Variants in DTNB observed in about 807,000 individuals in gnomAD.
The protein encoded by DTNB is DTN-B.
Under a neutral mutation model 90.7 loss-of-function variants are expected in DTNB, and 63 were observed. That is an observed-to-expected ratio of 0.69 (90% CI 0.57 to 0.86). The LOEUF (loss-of-function observed/expected upper bound fraction) is 0.86. Among genes scored for constraint, DTNB ranks in the 40% least tolerant of loss-of-function variants. The probability of loss-of-function intolerance (pLI) is 0.00; values close to 1 mark genes in which losing one functional copy is unlikely to be tolerated. For synonymous variants in DTNB, 277 were observed against 286.7 expected (o/e 0.97, Z 0.34); for missense variants, 744 against 807.1 (o/e 0.92, Z 0.95).
chr2:25,384,035 C>T (rs2038714633), intron 18 of DTNB, 146 bp from the exon 19 acceptor site: 1 of 1,530,474 alleles, frequency 6.5e-7, no homozygotes, highest in Non-Finnish European at 8.7e-7. Context: ...TTCAGCTCAC[C>T]AGTCTGCACT....
At chr2:25,646,612 C>T (rs944392882) in intron 2 of DTNB, among the ~76,000 whole-genome samples, 13 of 152,180 alleles carry the variant, frequency 8.5e-5, no homozygotes, top group Non-Finnish European at 1.9e-4. Flanking sequence ...GATCCCAGGT[C>T]TTTGGATAAA....
chr2:25,496,235 G>T (rs925581572), intron 9 of DTNB, among the ~76,000 whole-genome samples: 6 of 152,278 alleles, frequency 3.9e-5, no homozygotes, highest in South Asian at 4.2e-4. Context: ...CAAATCAACA[G>T]AAATGTATTT....
intron 4 of DTNB, among the ~76,000 whole-genome samples, chr2:25,627,849 G>C (rs2074622356): frequency 6.6e-6 from 1 of 150,628 alleles, no homozygotes; most frequent in Non-Finnish European, 1.5e-5. Context: ...CAATTCTCCT[G>C]CCTCAGCCTC....
chr2:25,560,722 T>A (rs1465273571), intron 8 of DTNB, among the ~76,000 whole-genome samples: 3 of 152,212 alleles, frequency 2.0e-5, no homozygotes, highest in Non-Finnish European at 4.4e-5. Context: ...CTCACAGACA[T>A]GCGCGTGCCC....
chr2:25,383,653 T>C (rs1461212076), intron 19 of DTNB, 183 bp downstream of exon 19: 25 of 1,326,958 alleles, frequency 1.9e-5, no homozygotes, highest in Non-Finnish European at 2.5e-5. Context: ...GGTGATCGAC[T>C]GACCTTGTCA....
At chr2:25,608,098 T>C (rs988730578) in intron 4 of DTNB, among the ~76,000 whole-genome samples, 2 of 152,214 alleles carry the variant, frequency 1.3e-5, no homozygotes, top group Admixed American at 1.3e-4. Context: ...ACTTCACTAG[T>C]TGGTTGTTAA....
chr2:25,434,249 C>T (rs1052406335), intron 12 of DTNB, among the ~76,000 whole-genome samples: 11 of 152,098 alleles, frequency 7.2e-5, no homozygotes, highest in African/African-American at 2.7e-4. Flanking sequence ...AGTCGCCACT[C>T]CCACCCCCAA....
At chr2:25,664,135 T>A (rs2083844007) in intron 1 of DTNB, among the ~76,000 whole-genome samples, 1 of 152,240 alleles carries the variant, frequency 6.6e-6, no homozygotes, top group Non-Finnish European at 1.5e-5. Flanking sequence ...AAGTCCATAT[T>A]TTAAATAGTA....
rs183624227 is a variant in DTNB, at chr2:25,545,126, T to C, written c.877-13529A>G. 4.3e-4 allele frequency among the ~76,000 whole-genome samples: 65 copies of C among 152,338 alleles called. No homozygotes were observed. The East Asian group carries it at 0.011, about 27-fold the overall frequency. ...ATCACATCTAATTCCCATACCCTAATTTTCACTTGAACAGTCTCTAACTTT... is the reference window on the plus strand; with the variant it reads ...ATCACATCTAATTCCCATACCCTAACTTTCACTTGAACAGTCTCTAACTTT... On this transcript the variant is annotated intron_variant, in intron 8 of 20. Transcript: ENST00000406818.
chr2:25,456,727 C>A (rs7563976), intron 10 of DTNB, among the ~76,000 whole-genome samples: 110,578 of 151,750 alleles, frequency 0.73, 40,517 homozygotes, highest in East Asian at 0.8. Context: ...CGTGCACCAC[C>A]AGCTAATTTT....
At chr2:25,533,313 T>G (rs1049278115) in intron 8 of DTNB, among the ~76,000 whole-genome samples, 4 of 80,706 alleles carry the variant, frequency 5.0e-5, no homozygotes, top group African/African-American at 2.5e-4. Flanking sequence ...GGCGACAGAG[T>G]GAGACCCCAT....
intron 6 of DTNB, among the ~76,000 whole-genome samples, chr2:25,583,874 T>C (rs1402854827): frequency 6.6e-6 from 1 of 152,028 alleles, no homozygotes; most frequent in Admixed American, 6.6e-5. Flanking sequence ...GATTTTGATA[T>C]CTCTGAAGAC....
intron 9 of DTNB, among the ~76,000 whole-genome samples, chr2:25,488,832 G>A (rs1477589552): frequency 6.6e-6 from 1 of 152,132 alleles, no homozygotes; most frequent in Non-Finnish European, 1.5e-5. Context: ...TGTATTTTTT[G>A]TAGAGACGGG....
intron 8 of DTNB, among the ~76,000 whole-genome samples, chr2:25,562,798 A>T (rs1322387356): frequency 6.6e-6 from 1 of 151,592 alleles, no homozygotes; most frequent in Non-Finnish European, 1.5e-5. Context: ...TTTGAGATGG[A>T]GTCTCACTCT....
intron 1 of DTNB, among the ~76,000 whole-genome samples, chr2:25,660,898 AAGTACATTCCTGT>A (rs2083052956): frequency 6.6e-6 from 1 of 152,210 alleles, no homozygotes; most frequent in Non-Finnish European, 1.5e-5. Context: ...AAGTGCAACA[AAGTACATTCCTGT>A]CAGTGATATA....
intron 16 of DTNB, among the ~76,000 whole-genome samples, chr2:25,405,708 C>A (rs116015007): frequency 4.7e-3 from 716 of 151,760 alleles, no homozygotes; most frequent in Non-Finnish European, 7.4e-3. Flanking sequence ...TCTGGTTTGG[C>A]CTGGAAAGCC....
In DTNB at chr2:25,639,060, A is replaced by C; in HGVS notation, c.102T>G (p.Thr34=). The C allele has an allele frequency of 1.3e-6, 2 of 1,593,400 alleles. No individual in the cohort carries two copies. The highest frequency in any genetic ancestry group is 1.7e-6 in the Non-Finnish European group (2 of 1,167,404). The part of the protein sequence containing the change: ...AQNFDVIRLS[T]YRTACKLRFV... ...ATCGTAATTTGCAGGCTGTTCTGTA[A>C]GTTGATAGTCGTATGACATCAAAAT... The change falls in exon 3 of 21, where the codon ACT becomes ACG. Residue 34 remains threonine (T), a synonymous_variant. Coordinates refer to ENST00000406818, the MANE Select transcript of DTNB (RefSeq NM_021907.5).
intron 4 of DTNB, among the ~76,000 whole-genome samples, chr2:25,616,960 A>AAAAAAAC (rs2070881081): frequency 6.6e-6 from 1 of 150,780 alleles, no homozygotes; most frequent in African/African-American, 2.4e-5. Context: ...AAAGGAAAAA[A>AAAAAAAC]AAGACTCATT....
intron 18 of DTNB, among the ~76,000 whole-genome samples, chr2:25,386,544 C>T (rs1034759932): frequency 6.6e-6 from 1 of 152,176 alleles, no homozygotes; most frequent in Non-Finnish European, 1.5e-5. Flanking sequence ...GCTGTGAAAT[C>T]GTTAGTGACT....
Sources: gnomAD v4.1 joint callset for allele counts (sites outside exome capture counted in the v4.1 genomes callset) on GRCh38, gnomAD v4.1.1 for gene constraint, MANE v1.5 for transcripts, NCBI Gene and HGNC (gene_info 2026-07-23, HGNC 2026-07-21) for gene names.